The following RAB2A variants were observed in gnomAD, a reference collection of about 807,000 sequenced individuals.
RAB2A encodes the protein ras-related protein Rab-2A.
RAB2A carries 7 observed loss-of-function variants against 32.5 expected under a neutral mutation model. The observed-to-expected ratio is 0.22, with a 90% confidence interval of 0.12 to 0.40. The LOEUF (loss-of-function observed/expected upper bound fraction) is 0.40, where lower values mean the gene tolerates loss of function less well. Among genes scored for constraint, RAB2A ranks in the 10% least tolerant of loss-of-function variants. The pLI is 1.00. For missense variants in RAB2A, 108 were observed against 260.7 expected (o/e 0.41, Z 4.03); for synonymous variants, 79 against 85.2 (o/e 0.93, Z 0.40).
chr8:60,583,476 T>C (rs1803796005), intron 3 of RAB2A, among the ~76,000 whole-genome samples: 1 of 152,212 alleles, frequency 6.6e-6, no homozygotes, highest in Non-Finnish European at 1.5e-5. Context: ...GTTTCACAAG[T>C]GGATATAAAG....
At chr8:60,608,459 C>T (rs1014223831) in intron 6 of RAB2A, among the ~76,000 whole-genome samples, 2 of 150,164 alleles carry the variant, frequency 1.3e-5, no homozygotes, top group African/African-American at 5.0e-5. Flanking sequence ...TGTGTCTCCC[C>T]GCCCCCGGTC....
chr8:60,611,203 G>A (rs2150437052), intron 6 of RAB2A, among the ~76,000 whole-genome samples: 1 of 152,216 alleles, frequency 6.6e-6, no homozygotes, highest in East Asian at 1.9e-4. Flanking sequence ...TCGCCCCCTT[G>A]TGATTCATTC....
chr8:60,589,338 A>G (rs1226904184), intron 5 of RAB2A, among the ~76,000 whole-genome samples: 5 of 152,212 alleles, frequency 3.3e-5, no homozygotes, highest in African/African-American at 4.8e-5. Flanking sequence ...TCAGGAGTAT[A>G]ACGAACAAGA....
chr8:60,521,724 G>T (rs1378232554), intron 1 of RAB2A, among the ~76,000 whole-genome samples: 2 of 152,140 alleles, frequency 1.3e-5, no homozygotes, highest in Non-Finnish European at 2.9e-5. Context: ...AGGTTCAAGC[G>T]ATTCTCCTGC....
In RAB2A at chr8:60,537,096, G is replaced by GT. The variant is rs1404299398; in HGVS notation, c.46+19849dup. Among the ~76,000 whole-genome samples, 9 of 152,238 alleles carry GT rather than the reference G, an allele frequency of 5.9e-5. No homozygotes were observed. In the East Asian group the frequency reaches 1.5e-3, roughly 26 times the overall value. On this transcript the variant is annotated intron_variant, in intron 1 of 7. Coordinates refer to ENST00000262646, the MANE Select transcript of RAB2A (RefSeq NM_002865.3). ...TTAGACACTACACAGTAATTTCTAG[G>GT]TTTTTTATAAGCCACAGTATAAGGT...
intron 6 of RAB2A, among the ~76,000 whole-genome samples, chr8:60,599,864 A>G (rs566435149): frequency 1.3e-5 from 2 of 152,324 alleles, no homozygotes; most frequent in African/African-American, 4.8e-5. Flanking sequence ...GCCTTAGCGT[A>G]TGTGTCACCA....
At chr8:60,606,086 T>G (rs550641680) in intron 6 of RAB2A, among the ~76,000 whole-genome samples, 2 of 152,086 alleles carry the variant, frequency 1.3e-5, no homozygotes, top group African/African-American at 2.4e-5. Context: ...GAGGCGGAAG[T>G]TGCAGTGAGC....
chr8:60,547,262 A>G (rs1807745471), intron 1 of RAB2A, among the ~76,000 whole-genome samples: 1 of 152,206 alleles, frequency 6.6e-6, no homozygotes, highest in African/African-American at 2.4e-5. Context: ...TTTTCTTAGT[A>G]CAGAACAAAA....
chr8:60,527,959 CTT>C (rs1807418196), intron 1 of RAB2A, among the ~76,000 whole-genome samples: 1 of 152,168 alleles, frequency 6.6e-6, no homozygotes, highest in African/African-American at 2.4e-5. Flanking sequence ...CACATACAGT[CTT>C]TTTGTATACA....
rs1804514935 is a variant in RAB2A, at chr8:60,620,805, A to G, written c.*36A>G. The G allele has an allele frequency of 1.9e-6, 3 of 1,565,722 alleles. No individual in the cohort carries two copies. Among genetic ancestry groups the G allele is most frequent in the East Asian group, 2.3e-5 (1 of 43,522 alleles). ...ACTGTCTAGCTGCCCAACGGGGCCT[A>G]CTCACTTATTCTTTCACCCCCTCTC... On this transcript the variant is annotated 3_prime_UTR_variant, in exon 8 of 8. Transcript: ENST00000262646.
chr8:60,546,941 C>T (rs1260273094), intron 1 of RAB2A, among the ~76,000 whole-genome samples: 4 of 132,932 alleles, frequency 3.0e-5, no homozygotes, highest in Non-Finnish European at 6.2e-5. Flanking sequence ...GTGTTTCTCG[C>T]AGAGGGGGAT....
At chr8:60,557,525 A>G (rs1337033619) in intron 1 of RAB2A, among the ~76,000 whole-genome samples, 1 of 152,168 alleles carries the variant, frequency 6.6e-6, no homozygotes, top group African/African-American at 2.4e-5. Flanking sequence ...CAAAAAAACA[A>G]ACAAACAAAC....
chr8:60,559,123 A>C, intron 2 of RAB2A, 200 bp downstream of exon 2: 1 of 483,976 alleles, frequency 2.1e-6, no homozygotes, highest in Non-Finnish European at 3.7e-6. Context: ...GTGGTTAAAG[A>C]AGCTACTGCT....
At chr8:60,521,433 A>C (rs1349099881) in intron 1 of RAB2A, among the ~76,000 whole-genome samples, 1 of 152,190 alleles carries the variant, frequency 6.6e-6, no homozygotes, top group African/African-American at 2.4e-5. Flanking sequence ...TTGAAATTAC[A>C]AGGTTATGTA....
Position 60,569,421 on chromosome 8 carries a change from T to C in RAB2A, c.119-2625T>C, listed in dbSNP as rs75406710. On this transcript the variant is annotated intron_variant, in intron 2 of 7. Transcript: ENST00000262646. The stretch of plus-strand genomic sequence containing the variant: ...ACATTCTTGATGTTTACTTAACAGG[T>C]TTATTTAAAATTGGATGTATTTTTA... Among the ~76,000 whole-genome samples the C allele has an allele frequency of 7.0e-3, 1,061 of 152,282 alleles. 39 individuals carry two copies. Among genetic ancestry groups the C allele is most frequent in the Admixed American group, 0.046 (701 of 15,298 alleles).
chr8:60,572,198 T>A, intron 3 of RAB2A, 85 bp downstream of exon 3: 3 of 1,020,020 alleles, frequency 2.9e-6, no homozygotes, highest in Admixed American at 4.3e-5. Context: ...TGTTATTATA[T>A]GCCTGTTATG....
intron 1 of RAB2A, among the ~76,000 whole-genome samples, chr8:60,526,968 CAA>C (rs34685368): frequency 1.6e-3 from 145 of 91,622 alleles, no homozygotes; most frequent in African/African-American, 3.3e-3. Context: ...GACTCCATCT[CAA>C]AAAAAAAAAA....
intron 1 of RAB2A, among the ~76,000 whole-genome samples, chr8:60,535,100 T>G (rs2130813107): frequency 6.6e-6 from 1 of 152,328 alleles, no homozygotes; most frequent in African/African-American, 2.4e-5. Flanking sequence ...AAGAGATTTT[T>G]AGACACAGGT....
chr8:60,580,683 A>G (rs1803730746), intron 3 of RAB2A, among the ~76,000 whole-genome samples: 1 of 152,202 alleles, frequency 6.6e-6, no homozygotes, highest in African/African-American at 2.4e-5. Flanking sequence ...ATTCAAATGT[A>G]TTGTGTAAGT....
Sources: allele counts gnomAD v4.1 joint callset (sites outside exome capture counted in the v4.1 genomes callset), GRCh38; gene constraint gnomAD v4.1.1; transcripts MANE v1.5; gene names NCBI Gene and HGNC (gene_info 2026-07-23, HGNC 2026-07-21).